Variants in PLSCR2 observed in about 807,000 individuals in gnomAD.
PLSCR2 encodes the protein phospholipid scramblase 2, also known as PL scramblase 2.
In PLSCR2, 18 loss-of-function variants were observed where a neutral mutation model predicts 25.3. The observed-to-expected ratio is 0.71, with a 90% CI of 0.49 to 1.06. PLSCR2 has a LOEUF of 1.06. Ranked by LOEUF, PLSCR2 falls within the 50% of genes least tolerant of loss-of-function variation. PLSCR2 has a pLI of 0.00. For missense variants in PLSCR2, 243 were observed against 269.5 expected, an observed-to-expected ratio of 0.90 and a Z score of 0.69; for synonymous variants, 88 against 87.3, an observed-to-expected ratio of 1.01 and a Z score of -0.04.
At chr3:146,487,004 G>A (rs143695133) in intron 1 of PLSCR2, among the ~76,000 whole-genome samples, 30 of 152,194 alleles carry the variant, frequency 2.0e-4, no homozygotes, top group African/African-American at 7.0e-4. Flanking sequence ...TGCAAGGCTG[G>A]TTCAACATAT....
At chr3:146,470,064 G>T (rs1665768495) in intron 1 of PLSCR2, among the ~76,000 whole-genome samples, 1 of 152,060 alleles carries the variant, frequency 6.6e-6, no homozygotes, top group African/African-American at 2.4e-5. Context: ...AGGAGCGGTC[G>T]AGATTATTTT....
rs138658686 is a variant in PLSCR2 at position 146,451,442 on chromosome 3, C to G, written c.484-2075G>C. Reference sequence around the variant, plus strand: ...AAGTTTTTATCCCTGCTTCCTGACACAGAATTTCTAAAATGCTCATAACTT... The same window carrying G: ...AAGTTTTTATCCCTGCTTCCTGACAGAGAATTTCTAAAATGCTCATAACTT... On this transcript the variant is annotated intron_variant, in intron 5 of 6. Transcript: ENST00000610787. 1.2e-3 allele frequency among the ~76,000 whole-genome samples: 180 copies of G among 151,116 alleles called. 3 individuals carry two copies. The highest frequency in any genetic ancestry group is 3.7e-3 in the Admixed American group (56 of 15,020).
chr3:146,469,226 T>C (rs2042004624), intron 1 of PLSCR2: 1 of 985,588 alleles, frequency 1.0e-6, no homozygotes, highest in Non-Finnish European at 1.2e-6. Flanking sequence ...TGTAAAGCAG[T>C]GTAGCTAAGG....
At chr3:146,441,494 G>C (rs908437881), downstream of PLSCR2, among the ~76,000 whole-genome samples, 3 of 151,780 alleles carry the variant, frequency 2.0e-5, no homozygotes, top group Non-Finnish European at 4.4e-5. Flanking sequence ...AGGAAGTTTT[G>C]TATCTAAATT....
chr3:146,483,783 G>C (rs1576739290), intron 1 of PLSCR2, among the ~76,000 whole-genome samples: 1 of 151,454 alleles, frequency 6.6e-6, no homozygotes. Context: ...CCATCTAAAG[G>C]TCAGCAGCCT....
chr3:146,402,025 A>C (rs1346646860), intron 2 of PLSCR2, among the ~76,000 whole-genome samples: 2 of 151,934 alleles, frequency 1.3e-5, no homozygotes, highest in African/African-American at 4.8e-5. Flanking sequence ...GCAAGCAAAT[A>C]AGAATATTAT....
At chr3:146,454,260 T>C (rs2041072239) in intron 4 of PLSCR2, 97 bp from the exon 5 acceptor site, 1 of 851,412 alleles carries the variant, frequency 1.2e-6, no homozygotes, top group African/African-American at 1.8e-5. Context: ...GTGCCAGACA[T>C]TGTAAGTGAG....
intron 2 of PLSCR2, among the ~76,000 whole-genome samples, chr3:146,414,282 G>C (rs892297538): frequency 1.3e-5 from 2 of 152,154 alleles, no homozygotes; most frequent in African/African-American, 4.8e-5. Context: ...ATGAACTTTG[G>C]TGAACACATT....
At chr3:146,468,797 C>T (rs2041979076) in intron 1 of PLSCR2, among the ~76,000 whole-genome samples, 1 of 146,400 alleles carries the variant, frequency 6.8e-6, no homozygotes, top group South Asian at 2.2e-4. Flanking sequence ...ATTTATGTTC[C>T]TATTTCGTTG....
chr3:146,495,789 A>C (rs1221502210), intron 1 of PLSCR2: 1 of 776,028 alleles, frequency 1.3e-6, no homozygotes, highest in East Asian at 2.7e-5. Flanking sequence ...CCCATTAGGT[A>C]GTTCGTGAAT....
At chr3:146,419,608 A>G (rs1251378598) in intron 2 of PLSCR2, among the ~76,000 whole-genome samples, 1 of 152,112 alleles carries the variant, frequency 6.6e-6, no homozygotes, top group Admixed American at 6.6e-5. Context: ...TTGAATCGGC[A>G]GGACTCTATT....
rs951331598 is a variant in PLSCR2 at position 146,469,328 on chromosome 3, G to T, written c.-292-9044C>A. 1.0e-5 allele frequency: 10 copies of T among 983,668 alleles called. No homozygotes were observed. In the South Asian group the frequency reaches 3.8e-4, roughly 37 times the overall value. The allele number at this position is 983,668 out of a possible 1,614,324, so 60.9% of individuals were successfully genotyped here. A position where few individuals can be genotyped will look rare whatever the true frequency, so the allele number is the denominator to read the frequency against. ...AGCCAGGGTACAGCTGGGCCGCCTG[G>T]GGCCCCTTGCCGAGTTTCCGTTCCA... On this transcript the variant is annotated intron_variant, in intron 1 of 8. Coordinates refer to the PLSCR2 transcript ENST00000336685.
intron 2 of PLSCR2, among the ~76,000 whole-genome samples, chr3:146,398,189 T>C (rs2038335996): frequency 6.6e-6 from 1 of 151,948 alleles, no homozygotes; most frequent in Non-Finnish European, 1.5e-5. Flanking sequence ...ATGTGAAGTA[T>C]GTTTAGTAGC....
intron 5 of PLSCR2, among the ~76,000 whole-genome samples, chr3:146,450,701 A>T (rs1285365713): frequency 6.6e-6 from 1 of 152,246 alleles, no homozygotes; most frequent in East Asian, 1.9e-4. Flanking sequence ...ACTATTAATG[A>T]GAACTTTATA....
At chr3:146,414,993 C>A (rs2038965484) in intron 2 of PLSCR2, 1 of 152,600 alleles carries the variant, frequency 6.6e-6, no homozygotes, top group South Asian at 2.1e-4. Flanking sequence ...ACCTTCTACA[C>A]ATTCTCTTCA....
At chr3:146,468,830 A>G (rs1384670349) in intron 1 of PLSCR2, among the ~76,000 whole-genome samples, 1 of 152,190 alleles carries the variant, frequency 6.6e-6, no homozygotes, top group Non-Finnish European at 1.5e-5. Context: ...AAAATCTCAC[A>G]TTCTCCCAAT....
At chr3:146,489,296 C>A (rs1180788411) in intron 1 of PLSCR2, among the ~76,000 whole-genome samples, 2 of 152,066 alleles carry the variant, frequency 1.3e-5, no homozygotes, top group Admixed American at 1.3e-4. Context: ...CCTGCATGTC[C>A]TGCACATGTA....
rs569083173 is a variant in PLSCR2 at position 146,456,759 on chromosome 3, G to A, written c.101-1300C>T. On this transcript the variant is annotated intron_variant, in intron 3 of 6. Transcript: ENST00000610787. ...GAGTAATCATCTTTTTATATGCCTCGATGTTAGCAAACAATATAGACTTTC... is the reference window on the plus strand; with the variant it reads ...GAGTAATCATCTTTTTATATGCCTCAATGTTAGCAAACAATATAGACTTTC... Among the ~76,000 whole-genome samples, 5 of 151,864 alleles carry A rather than the reference G, an allele frequency of 3.3e-5. No homozygotes were observed. In the East Asian group the frequency reaches 5.8e-4, roughly 18 times the overall value.
intron 2 of PLSCR2, among the ~76,000 whole-genome samples, chr3:146,405,811 A>AT (rs2038644360): frequency 1.3e-5 from 2 of 152,038 alleles, no homozygotes; most frequent in South Asian, 4.1e-4. Context: ...AGGGGATGTT[A>AT]TTTTCTTGTT....
Sources: allele counts gnomAD v4.1 joint callset (sites outside exome capture counted in the v4.1 genomes callset), GRCh38; gene constraint gnomAD v4.1.1; transcripts MANE v1.5; gene names NCBI Gene and HGNC (gene_info 2026-07-23, HGNC 2026-07-21).